ANK3: variants seen among roughly 807,000 people sequenced by gnomAD.
ANK3 encodes ankyrin 3.
ANK3 carries 57 observed loss-of-function variants against 370.9 expected under a neutral mutation model. That is an observed-to-expected ratio of 0.15 (90% CI 0.12 to 0.19). The LOEUF is 0.19. Ranked by LOEUF, ANK3 falls within the 10% of genes least tolerant of loss-of-function variation. The pLI is 1.00. For synonymous variants in ANK3, 1,929 were observed against 1,946.3 expected, an observed-to-expected ratio of 0.99 and a Z score of 0.23; for missense variants, 4,439 against 5,302.1, an observed-to-expected ratio of 0.84 and a Z score of 5.06.
chr10:60,288,657 C>T (rs147062847), intron 1 of ANK3, among the ~76,000 whole-genome samples: 35 of 151,998 alleles, frequency 2.3e-4, no homozygotes, highest in Non-Finnish European at 4.6e-4. Flanking sequence ...GGGGAGTAGG[C>T]GAAAAGGACA....
intron 18 of ANK3, among the ~76,000 whole-genome samples, chr10:60,178,023 T>C (rs944425998): frequency 5.3e-5 from 8 of 152,204 alleles, no homozygotes; most frequent in African/African-American, 1.7e-4. Context: ...AATCAACTTA[T>C]TCTTCGCATT....
At chr10:60,460,550 C>T (rs909823238) in intron 2 of ANK3, among the ~76,000 whole-genome samples, 11 of 152,190 alleles carry the variant, frequency 7.2e-5, no homozygotes, top group East Asian at 3.9e-4. Context: ...CTGATTTCAC[C>T]TCAATGTATT....
chr10:60,215,002 T>G (rs989677181), intron 8 of ANK3, among the ~76,000 whole-genome samples: 1 of 152,208 alleles, frequency 6.6e-6, no homozygotes, highest in Non-Finnish European at 1.5e-5. Context: ...TTCCTATTTC[T>G]TCACAGCCTC....
In ANK3 at chr10:60,581,418, C is replaced by CT. The variant is rs56317709; in HGVS notation, c.96+33767dup. Among the ~76,000 whole-genome samples, 1,014 of 123,416 alleles carry CT rather than the reference C, an allele frequency of 8.2e-3. 15 individuals carry two copies. Among genetic ancestry groups the CT allele is most frequent in the African/African-American group, 0.026 (845 of 32,208 alleles). 81.0% of individuals were successfully genotyped at this position (123,416 alleles called of 152,430 possible). On this transcript the variant is annotated intron_variant, in intron 2 of 43. Coordinates refer to the ANK3 transcript ENST00000373827. ...AAACTGCCTATCCAGGTATTTTGCC[C>CT]TTTTTTTTTTTTTTTTTTTTTTTTA...
chr10:60,629,633 C>T (rs917157729), intron 1 of ANK3, among the ~76,000 whole-genome samples: 9 of 151,942 alleles, frequency 5.9e-5, no homozygotes, highest in African/African-American at 2.2e-4. Context: ...CCAAATAGCT[C>T]ATGTAACATT....
At chr10:60,552,399 G>T (rs1329099356) in intron 2 of ANK3, among the ~76,000 whole-genome samples, 3 of 152,258 alleles carry the variant, frequency 2.0e-5, no homozygotes, top group East Asian at 3.9e-4. Flanking sequence ...ACATATGTGA[G>T]ATTTCAACAA....
chr10:60,105,171 T>C (rs2091987762), intron 28 of ANK3, among the ~76,000 whole-genome samples: 1 of 152,126 alleles, frequency 6.6e-6, no homozygotes, highest in Non-Finnish European at 1.5e-5. Flanking sequence ...GATATTTTTC[T>C]CTCAGCATCA....
chr10:60,336,287 T>G (rs888569951), intron 1 of ANK3, among the ~76,000 whole-genome samples: 1 of 152,038 alleles, frequency 6.6e-6, no homozygotes, highest in East Asian at 1.9e-4. Context: ...TGAAAACTCT[T>G]GAGAAGGAGA....
intron 28 of ANK3, among the ~76,000 whole-genome samples, chr10:60,090,509 T>C (rs1340184847): frequency 6.6e-6 from 1 of 152,036 alleles, no homozygotes; most frequent in Non-Finnish European, 1.5e-5. Flanking sequence ...AAAAGTAGAC[T>C]GGAAAAATAG....
At chr10:60,710,410 T>G in intron 1 of ANK3, among the ~76,000 whole-genome samples, 1 of 142,508 alleles carries the variant, frequency 7.0e-6, no homozygotes. Context: ...ATGGTCTGTG[T>G]TTATAAGTTT....
upstream of ANK3, among the ~76,000 whole-genome samples, chr10:60,393,928 A>G (rs997275816): frequency 2.0e-5 from 3 of 151,910 alleles, no homozygotes; most frequent in African/African-American, 7.3e-5. Flanking sequence ...GGAAGTAAGA[A>G]AGAAACTAAA....
chr10:60,489,034 C>A (rs2075422969), intron 2 of ANK3, among the ~76,000 whole-genome samples: 1 of 152,010 alleles, frequency 6.6e-6, no homozygotes. Flanking sequence ...TTTTTCTAGG[C>A]AAAATTATAG....
At chr10:60,562,715 A>G (rs969714545) in intron 2 of ANK3, among the ~76,000 whole-genome samples, 1 of 152,202 alleles carries the variant, frequency 6.6e-6, no homozygotes, top group African/African-American at 2.4e-5. Flanking sequence ...AAATTTCTAG[A>G]TTTTTAGCTA....
In ANK3 at chr10:60,108,491, C is replaced by T. The variant is rs7910330; in HGVS notation, c.3173+339G>A. Among the ~76,000 whole-genome samples, 1,144 of 152,226 alleles carry T rather than the reference C, an allele frequency of 7.5e-3. 16 individuals carry two copies. The highest frequency in any genetic ancestry group is 0.026 in the African/African-American group (1,077 of 41,528). On this transcript the variant is annotated intron_variant, in intron 27 of 43. Coordinates refer to ENST00000280772, the MANE Select transcript of ANK3 (RefSeq NM_020987.5). ...TAAAAAGACATGTCCCCAAAGTAGC[C>T]ATATATTCAATGCGGTAAAATAATT...
At chr10:60,283,633 T>A (rs1220417758) in intron 1 of ANK3, among the ~76,000 whole-genome samples, 1 of 152,222 alleles carries the variant, frequency 6.6e-6, no homozygotes, top group Non-Finnish European at 1.5e-5. Context: ...GTCATTTTAC[T>A]AGAAATATGA....
intron 4 of ANK3, among the ~76,000 whole-genome samples, chr10:60,271,625 A>G (rs958918199): frequency 7.2e-5 from 11 of 152,178 alleles, no homozygotes; most frequent in African/African-American, 2.4e-4. Context: ...TCTAAACTAC[A>G]ATGTTACCAA....
At chr10:60,460,842 T>C (rs548158319) in intron 2 of ANK3, among the ~76,000 whole-genome samples, 4 of 152,296 alleles carry the variant, frequency 2.6e-5, no homozygotes, top group African/African-American at 9.6e-5. Flanking sequence ...TTTATTAAAA[T>C]ACAAATCTAT....
rs776136748 is a variant in ANK3, at chr10:60,072,450, T to C, written c.8431A>G (p.Lys2811Glu). 6.8e-6 allele frequency: 11 copies of C among 1,613,962 alleles called. No homozygotes were observed. The highest frequency in any genetic ancestry group is 9.3e-6 in the Non-Finnish European group (11 of 1,180,024). ...TTACTTGACATTTCAGTTCTCTGTT[T>C]TTTCACATTATCAGAGCCAGAATCA... The part of the protein sequence containing the change: ...VNDSGSDNVK[K>E]QRTEMSSKAM... The change falls in exon 37 of 44, where the codon AAA (lysine) becomes GAA (glutamate). Residue 2811 changes from lysine to glutamate, a missense_variant. By Grantham distance (56) the Lys-to-Glu change is moderately conservative. This residue lies in a region of ANK3 where 1,601 missense variants were observed against 1,731.7 expected (regional missense o/e 0.92). Coordinates refer to ENST00000280772, the MANE Select transcript of ANK3 (RefSeq NM_020987.5).
chr10:60,672,219 G>A (rs2079071726), intron 1 of ANK3, among the ~76,000 whole-genome samples: 1 of 152,084 alleles, frequency 6.6e-6, no homozygotes, highest in African/African-American at 2.4e-5. Flanking sequence ...CTTTTGTTTT[G>A]ATATTGGGTC....
Sources: allele counts gnomAD v4.1 joint callset (sites outside exome capture counted in the v4.1 genomes callset), GRCh38; gene constraint gnomAD v4.1.1; regional missense constraint gnomAD v4.1.1; transcripts MANE v1.5; gene names NCBI Gene and HGNC (gene_info 2026-07-23, HGNC 2026-07-21).